Variants in AKT3 observed in about 807,000 individuals in gnomAD.
The protein encoded by AKT3 is AKT serine/threonine kinase 3, also known as RAC-gamma serine/threonine-protein kinase.
AKT3 carries 15 observed loss-of-function variants against 65.3 expected under a neutral mutation model. That is an observed-to-expected ratio of 0.23 (90% CI 0.15 to 0.35). The LOEUF (loss-of-function observed/expected upper bound fraction) is 0.35, where lower values mean the gene tolerates loss of function less well. Among genes scored for constraint, AKT3 ranks in the 10% least tolerant of loss-of-function variants. AKT3 has a pLI of 1.00. For synonymous variants in AKT3, 206 were observed against 183.8 expected (o/e 1.12, Z -0.98); for missense variants, 243 against 576.5 (o/e 0.42, Z 5.92).
At chr1:243,745,194 C>G (rs1254613554) in intron 2 of AKT3, among the ~76,000 whole-genome samples, 1 of 151,658 alleles carries the variant, frequency 6.6e-6, no homozygotes, top group Non-Finnish European at 1.5e-5. Context: ...AAAAATTAGC[C>G]CGGCGTGGTG....
chr1:243,642,693 T>C (rs754034207), intron 5 of AKT3, among the ~76,000 whole-genome samples: 4 of 152,204 alleles, frequency 2.6e-5, no homozygotes, highest in South Asian at 4.1e-4. Flanking sequence ...TAAGAATTTA[T>C]TGGGGAAATA....
chr1:243,642,864 A>C (rs1332647753), intron 5 of AKT3, among the ~76,000 whole-genome samples: 1 of 152,222 alleles, frequency 6.6e-6, no homozygotes, highest in Non-Finnish European at 1.5e-5. Flanking sequence ...TAAACATATA[A>C]TCAATGAGGA....
intron 4 of AKT3, among the ~76,000 whole-genome samples, chr1:243,651,642 T>C (rs1375292449): frequency 6.6e-6 from 1 of 152,204 alleles, no homozygotes; most frequent in African/African-American, 2.4e-5. Context: ...TCTGCATCTA[T>C]TGAGATAATC....
intron 2 of AKT3, among the ~76,000 whole-genome samples, chr1:243,735,913 C>T (rs779998557): frequency 6.6e-6 from 1 of 152,260 alleles, no homozygotes; most frequent in South Asian, 2.1e-4. Context: ...ATTATTCTTC[C>T]TTGTGCTAGT....
intron 2 of AKT3, among the ~76,000 whole-genome samples, chr1:243,748,058 A>C (rs1394602773): frequency 6.6e-6 from 1 of 152,208 alleles, no homozygotes; most frequent in African/African-American, 2.4e-5. Context: ...CAAATGAAGA[A>C]AAAATTAAAA....
At chr1:243,637,787 A>C in intron 5 of AKT3, 45 bp from the exon 6 acceptor site, 1 of 1,370,890 alleles carries the variant, frequency 7.3e-7, no homozygotes, top group Non-Finnish European at 1.0e-6. Flanking sequence ...TATTTGATGC[A>C]ATTTATTTGT....
intron 2 of AKT3, among the ~76,000 whole-genome samples, chr1:243,710,360 C>G (rs1163537725): frequency 1.3e-5 from 2 of 152,074 alleles, no homozygotes; most frequent in African/African-American, 4.8e-5. Flanking sequence ...TAACACTTAA[C>G]TATCTGTCTA....
chr1:243,829,620 C>A (rs1039274727), intron 2 of AKT3, among the ~76,000 whole-genome samples: 3 of 152,010 alleles, frequency 2.0e-5, no homozygotes, highest in Admixed American at 6.6e-5. Context: ...AATAATAATT[C>A]ATTTAAGCAA....
chr1:243,765,893 T>C (rs1255638675), intron 2 of AKT3, among the ~76,000 whole-genome samples: 2 of 152,186 alleles, frequency 1.3e-5, no homozygotes, highest in African/African-American at 2.4e-5. Flanking sequence ...CCAAGGTTTT[T>C]ACCTACTGCC....
At position 243,502,634 on chromosome 1, in the gene AKT3, C is replaced by G. The variant is rs891121367; in HGVS notation, c.*2615G>C. 2.1e-5 allele frequency: 5 copies of G among 233,074 alleles called. No individual in the cohort carries two copies. The highest frequency in any genetic ancestry group is 1.1e-4 in the African/African-American group (5 of 45,332). The allele number at this position is 233,074 out of a possible 1,614,324, so 14.4% of individuals were successfully genotyped here. A position where few individuals can be genotyped will look rare whatever the true frequency, so the allele number is the denominator to read the frequency against. On this transcript the variant is annotated 3_prime_UTR_variant, in exon 14 of 14. Transcript: ENST00000673466. ...TCCCTCTACACGCATTTCTGGTTTT[C>G]TATTATTCCTCCATGGCAGCTGACA...
chr1:243,808,421 A>C (rs1455702172), intron 2 of AKT3, among the ~76,000 whole-genome samples: 1 of 152,244 alleles, frequency 6.6e-6, no homozygotes, highest in Non-Finnish European at 1.5e-5. Flanking sequence ...ACTGGAAGAA[A>C]GGGTATCAGT....
At chr1:243,625,232 A>C (rs949510832) in intron 6 of AKT3, among the ~76,000 whole-genome samples, 1 of 143,510 alleles carries the variant, frequency 7.0e-6, no homozygotes, top group African/African-American at 2.7e-5. Flanking sequence ...CCTGGGTTCC[A>C]GTGATTCTCC....
chr1:243,495,026 C>A (rs537485845), downstream of AKT3, among the ~76,000 whole-genome samples: 3 of 152,354 alleles, frequency 2.0e-5, no homozygotes, highest in African/African-American at 7.2e-5. Flanking sequence ...ATCTATTTAC[C>A]ATGGAAACAT....
chr1:243,660,368 A>G (rs1402142801), intron 4 of AKT3, among the ~76,000 whole-genome samples: 1 of 152,336 alleles, frequency 6.6e-6, no homozygotes, highest in Non-Finnish European at 1.5e-5. Flanking sequence ...CACCATGATC[A>G]AGTGGGCTTC....
intron 2 of AKT3, among the ~76,000 whole-genome samples, chr1:243,741,983 A>C (rs1688179359): frequency 6.6e-6 from 1 of 151,574 alleles, no homozygotes; most frequent in Non-Finnish European, 1.5e-5. Flanking sequence ...TTTTTCCATA[A>C]TCCTCAGTTT....
intron 13 of AKT3, among the ~76,000 whole-genome samples, chr1:243,507,429 C>T (rs1669740539): frequency 6.6e-6 from 1 of 152,222 alleles, no homozygotes; most frequent in South Asian, 2.1e-4. Flanking sequence ...CCAATGATCT[C>T]CCTCCATCAT....
At chr1:243,758,771 G>A (rs1027752978) in intron 2 of AKT3, among the ~76,000 whole-genome samples, 3 of 152,146 alleles carry the variant, frequency 2.0e-5, no homozygotes, top group South Asian at 2.1e-4. Context: ...ATCTAACCTC[G>A]CATCTGATCT....
At chr1:243,598,234 G>A (rs1472123954) in intron 8 of AKT3, among the ~76,000 whole-genome samples, 1 of 151,828 alleles carries the variant, frequency 6.6e-6, no homozygotes, top group Non-Finnish European at 1.5e-5. Flanking sequence ...TCATCCTTAA[G>A]GTTTTTGAGG....
chr1:243,664,588 G>A (rs569748115), intron 4 of AKT3, among the ~76,000 whole-genome samples, 184 bp downstream of exon 4: 8 of 152,026 alleles, frequency 5.3e-5, no homozygotes, highest in South Asian at 2.1e-4. Flanking sequence ...CAGAGGTTCT[G>A]ATATATTAAA....
Sources: gnomAD v4.1 joint callset for allele counts (sites outside exome capture counted in the v4.1 genomes callset) on GRCh38, gnomAD v4.1.1 for gene constraint, MANE v1.5 for transcripts, NCBI Gene and HGNC (gene_info 2026-07-23, HGNC 2026-07-21) for gene names.